The following ARHGAP8 variants were observed in gnomAD, a reference collection of about 807,000 sequenced individuals.
ARHGAP8 encodes Rho GTPase activating protein 8.
ARHGAP8 carries 62 observed loss-of-function variants against 46.1 expected under a neutral mutation model. The observed-to-expected ratio is 1.34, with a 90% confidence interval of 1.10 to 1.66. The LOEUF is 1.66. Ranked by LOEUF, ARHGAP8 falls within the 40% of genes most tolerant of loss-of-function variation. The probability of loss-of-function intolerance (pLI) is 0.00; values close to 1 mark genes in which losing one functional copy is unlikely to be tolerated. For missense variants in ARHGAP8, 923 were observed against 568.4 expected, an observed-to-expected ratio of 1.62 and a Z score of -6.34; for synonymous variants, 375 against 243.1, an observed-to-expected ratio of 1.54 and a Z score of -5.05.
intron 10 of ARHGAP8, among the ~76,000 whole-genome samples, chr22:44,851,933 G>A (rs948763388): frequency 6.6e-6 from 1 of 152,064 alleles, no homozygotes; most frequent in Admixed American, 6.6e-5. Context: ...GCTCACTCCT[G>A]TAAACTCAGC....
chr22:44,801,477 C>A (rs1928543458), intron 2 of ARHGAP8, among the ~76,000 whole-genome samples: 1 of 58,566 alleles, frequency 1.7e-5, no homozygotes, highest in African/African-American at 6.1e-5. Flanking sequence ...GGGCACCTCT[C>A]CCCGCAGCTG....
chr22:44,861,935 G>C (rs8142212), intron 11 of ARHGAP8, among the ~76,000 whole-genome samples: 27,576 of 152,068 alleles, frequency 0.18, 2,672 homozygotes, highest in East Asian at 0.34. Flanking sequence ...AGGCCAGAGA[G>C]GTCACCAAGT....
At chr22:44,823,211 C>A (rs1439260594) in intron 6 of ARHGAP8, among the ~76,000 whole-genome samples, 1 of 152,104 alleles carries the variant, frequency 6.6e-6, no homozygotes, top group African/African-American at 2.4e-5. Flanking sequence ...TGGTCTCTGC[C>A]CTCATGACAC....
At chr22:44,847,125 C>G (rs996590325) in intron 8 of ARHGAP8, among the ~76,000 whole-genome samples, 5 of 152,174 alleles carry the variant, frequency 3.3e-5, no homozygotes, top group African/African-American at 4.8e-5. Context: ...GTCCTAGGTC[C>G]TGGTGTTCCG....
intron 7 of ARHGAP8, among the ~76,000 whole-genome samples, chr22:44,825,816 ATGCTCGC>A (rs1569165035): frequency 5.0e-5 from 4 of 79,486 alleles, no homozygotes. Context: ...TGGGGGGCGC[ATGCTCGC>A]TGCTCGGTGC....
At chr22:44,858,749 T>TGG (rs72130588) in intron 10 of ARHGAP8, among the ~76,000 whole-genome samples, 2 of 136,362 alleles carry the variant, frequency 1.5e-5, no homozygotes, top group Admixed American at 1.4e-4. Flanking sequence ...GGTCTCAGAG[T>TGG]GGGGGCCAGT....
chr22:44,797,105 C>G (rs1297125916), intron 2 of ARHGAP8, among the ~76,000 whole-genome samples: 25 of 152,130 alleles, frequency 1.6e-4, no homozygotes, highest in Non-Finnish European at 3.5e-4. Context: ...GCTGAGTATA[C>G]AGTGGGCCCC....
chr22:44,791,836 A>C lies in ARHGAP8; in HGVS notation c.79+5230A>C, dbSNP rs143650977. Among the ~76,000 whole-genome samples the C allele has an allele frequency of 3.8e-3, 572 of 152,286 alleles. 16 individuals carry two copies. Among genetic ancestry groups the C allele is most frequent in the Admixed American group, 0.031 (474 of 15,294 alleles). On this transcript the variant is annotated intron_variant, in intron 2 of 11. Transcript: ENST00000356099. ...CAGTCATCAGGAACAACAAGGATGG[A>C]GGTGCCTGGAGAAGAGCTTAGTGGA...
rs1228990104 is a variant in ARHGAP8 at position 44,790,580 on chromosome 22, A to G, written c.79+3974A>G. ...AATCCCAGCTACTTGGGAGGCTGAA[A>G]CAGGAGAATCGCTTGAACCCGGGAG... On this transcript the variant is annotated intron_variant, in intron 2 of 11. Transcript: ENST00000356099. 4.7e-5 allele frequency among the ~76,000 whole-genome samples: 7 copies of G among 150,404 alleles called. No individual in the cohort carries two copies. In the South Asian group the frequency reaches 1.3e-3, roughly 28 times the overall value.
intron 4 of ARHGAP8, 51 bp from the exon 5 acceptor site, chr22:44,814,621 G>T: frequency 1.3e-6 from 2 of 1,543,442 alleles, no homozygotes. Flanking sequence ...TGGGCGTGGG[G>T]TGTTTCTCGG....
intron 1 of ARHGAP8, chr22:44,765,490 A>C (rs868412764): frequency 6.6e-6 from 1 of 151,768 alleles, no homozygotes; most frequent in African/African-American, 2.4e-5. Flanking sequence ...GGCCCTGGGG[A>C]GGGGTGGGAC....
chr22:44,810,795 C>T (rs1206309152), intron 4 of ARHGAP8, among the ~76,000 whole-genome samples: 1 of 151,950 alleles, frequency 6.6e-6, no homozygotes, highest in South Asian at 2.1e-4. Context: ...GTAGGGTTCC[C>T]GTGGGGAGCC....
chr22:44,855,955 A>G (rs532233231), intron 10 of ARHGAP8, among the ~76,000 whole-genome samples: 74 of 152,290 alleles, frequency 4.9e-4, no homozygotes, highest in Middle Eastern at 3.4e-3. Context: ...GGAAGCTTTC[A>G]ATTATGACGG....
chr22:44,770,338 G>A (rs948230369), intron 1 of ARHGAP8, among the ~76,000 whole-genome samples: 1 of 151,798 alleles, frequency 6.6e-6, no homozygotes, highest in Non-Finnish European at 1.5e-5. Flanking sequence ...CCAGAGTCAG[G>A]AGTCTTGGGT....
chr22:44,847,568 G>C (rs1569177861), intron 8 of ARHGAP8, among the ~76,000 whole-genome samples: 1 of 152,226 alleles, frequency 6.6e-6, no homozygotes, highest in Non-Finnish European at 1.5e-5. Context: ...GGGAAGTCAC[G>C]TGTCTGGACG....
In ARHGAP8 at chr22:44,754,665, G is replaced by A. The variant is rs374651860; in HGVS notation, c.-72+2038G>A. Among the ~76,000 whole-genome samples the A allele has an allele frequency of 9.2e-5, 14 of 152,150 alleles. No homozygotes were observed. In the South Asian group the frequency reaches 2.1e-3, roughly 23 times the overall value. On this transcript the variant is annotated intron_variant, in intron 1 of 11. Coordinates refer to ENST00000356099, the MANE Select transcript of ARHGAP8 (RefSeq NM_181335.3). ...CAGGCATGAGCCACCACACCCGGCC[G>A]AGTCATTGAAACTTACTTGACTTAA...
At chr22:44,827,417 A>G (rs1930617192) in intron 7 of ARHGAP8, among the ~76,000 whole-genome samples, 1 of 129,456 alleles carries the variant, frequency 7.7e-6, no homozygotes, top group African/African-American at 3.0e-5. Context: ...AGCTCAGCTC[A>G]CCGCAACCTC....
At chr22:44,851,000 CT>C (rs1403614172) in intron 10 of ARHGAP8, 6 of 150,618 alleles carry the variant, frequency 4.0e-5, no homozygotes, top group Admixed American at 4.0e-4. Flanking sequence ...ATTATGAATC[CT>C]TTATCTGTCC....
At chr22:44,769,280 T>C (rs1925827907) in intron 1 of ARHGAP8, among the ~76,000 whole-genome samples, 1 of 152,230 alleles carries the variant, frequency 6.6e-6, no homozygotes, top group African/African-American at 2.4e-5. Context: ...GCTGAACATA[T>C]ATGTGGTCTA....
Sources: allele counts gnomAD v4.1 joint callset (sites outside exome capture counted in the v4.1 genomes callset), GRCh38; gene constraint gnomAD v4.1.1; transcripts MANE v1.5; gene names NCBI Gene and HGNC (gene_info 2026-07-23, HGNC 2026-07-21).